The following ADSS1 variants were observed in gnomAD, a reference collection of about 807,000 sequenced individuals.
ADSS1 encodes the protein adenylosuccinate synthase 1.
A neutral mutation model predicts 59.1 loss-of-function variants in ADSS1; 57 were observed. The observed-to-expected ratio is 0.97, with a 90% CI of 0.78 to 1.20. The LOEUF (loss-of-function observed/expected upper bound fraction) is 1.20, where lower values mean the gene tolerates loss of function less well. Among genes scored for constraint, ADSS1 ranks in the 50% most tolerant of loss-of-function variants. ADSS1 has a pLI of 0.00. For missense variants in ADSS1, 603 were observed against 610.3 expected (o/e 0.99, Z 0.13); for synonymous variants, 247 against 249.4 (o/e 0.99, Z 0.09).
chr14:104,745,177 T>C, intron 11 of ADSS1: 1 of 396,884 alleles, frequency 2.5e-6, no homozygotes. Context: ...ACTACTCGCC[T>C]GGGACCCTGG....
At position 104,741,241 on chromosome 14, in the gene ADSS1, T is replaced by A. The variant is rs1304630599; in HGVS notation, c.791T>A (p.Phe264Tyr). The change falls in exon 8 of 13, where the codon TTC becomes TAC. Residue 264 changes from phenylalanine (F) to tyrosine (Y), a missense_variant and splice_region_variant. Phe to Tyr is a conservative substitution (Grantham distance 22, BLOSUM62 3). Coordinates refer to ENST00000330877, the MANE Select transcript of ADSS1 (RefSeq NM_152328.5). ...AACGCCGCCCTCCTCGACATTGACT[T>A]CGGTATGTCCGGGAGGGTGTGCGTG... ...GANAALLDID[F>Y]GTYPFVTSSN... 11 of 1,590,540 alleles carry A rather than the reference T, an allele frequency of 6.9e-6. No individual in the cohort carries two copies. The highest frequency in any genetic ancestry group is 6.7e-5 in the East Asian group (3 of 44,586).
intron 2 of ADSS1, among the ~76,000 whole-genome samples, chr14:104,735,793 T>A (rs1179335635): frequency 6.6e-6 from 1 of 152,166 alleles, no homozygotes. Flanking sequence ...CTTTCCCTCC[T>A]TCTCTCGGTC....
chr14:104,725,750 C>T (rs1186416273), intron 1 of ADSS1, among the ~76,000 whole-genome samples: 1 of 152,208 alleles, frequency 6.6e-6, no homozygotes, highest in Non-Finnish European at 1.5e-5. Flanking sequence ...CTCTACTGCT[C>T]TTCACCCTCC....
rs773873572 is a variant in ADSS1 at position 104,741,853 on chromosome 14, T to C, written c.799T>C (p.Tyr267His). The C allele has an allele frequency of 1.4e-5, 23 of 1,613,128 alleles. No individual in the cohort carries two copies. Among genetic ancestry groups the C allele is most frequent in the African/African-American group, 2.7e-5 (2 of 74,938 alleles). The change falls in exon 9 of 13, where the codon TAC (tyrosine) becomes CAC (histidine). Residue 267 changes from tyrosine (Y) to histidine (H), a missense_variant. Tyr to His is a moderately conservative substitution (Grantham distance 83). Transcript: ENST00000330877. ...AALLDIDFGTYPFVTSSNCTV... is the reference protein window; with the variant it reads ...AALLDIDFGTHPFVTSSNCTV... ...AAACCTGCTCTGTCTTGCAGGGACC[T>C]ACCCCTTTGTGACTTCATCCAACTG...
At chr14:104,746,214 A>C in intron 11 of ADSS1, 22 bp from the exon 12 acceptor site, 1 of 1,591,944 alleles carries the variant, frequency 6.3e-7, no homozygotes, top group Non-Finnish European at 8.6e-7. Flanking sequence ...GGCCCCACTC[A>C]TCTCCTGTGT....
intron 2 of ADSS1, 113 bp from the exon 3 acceptor site, chr14:104,738,263 G>A: frequency 9.1e-7 from 1 of 1,095,914 alleles, no homozygotes; most frequent in Non-Finnish European, 1.3e-6. Context: ...CTCCCAAAGT[G>A]CTAGGATTAC....
chr14:104,736,819 GAT>G (rs1436705412), intron 2 of ADSS1, among the ~76,000 whole-genome samples: 1 of 148,464 alleles, frequency 6.7e-6, no homozygotes, highest in African/African-American at 2.5e-5. Flanking sequence ...GGGCCCAGGG[GAT>G]CCCCCTGCCT....
At chr14:104,726,129 G>A (rs910226860) in intron 1 of ADSS1, among the ~76,000 whole-genome samples, 30 of 152,342 alleles carry the variant, frequency 2.0e-4, no homozygotes, top group African/African-American at 7.0e-4. Flanking sequence ...GCCTGAGGGA[G>A]CCCCTGGCTC....
At chr14:104,739,554 A>G (rs759490736) in intron 4 of ADSS1, 176 bp downstream of exon 4, 4 of 903,820 alleles carry the variant, frequency 4.4e-6, no homozygotes, top group Non-Finnish European at 6.8e-6. Context: ...GAGCTGGGTC[A>G]GGGGTCACTA....
chr14:104,736,517 G>T (rs1212359596), intron 2 of ADSS1, among the ~76,000 whole-genome samples: 1 of 152,174 alleles, frequency 6.6e-6, no homozygotes, highest in Non-Finnish European at 1.5e-5. Flanking sequence ...GTGACCTTTT[G>T]TGCTCACCAT....
rs146422032 is a variant in ADSS1 at position 104,729,104 on chromosome 14, G to A, written c.192+4642G>A. Reference sequence around the variant, plus strand: ...CTGACGATGGGGGCTGCATTGCAGGGGAGAAAGGGGCCTCCTTGGGAACCC... The same window carrying A: ...CTGACGATGGGGGCTGCATTGCAGGAGAGAAAGGGGCCTCCTTGGGAACCC... On this transcript the variant is annotated intron_variant, in intron 1 of 12. Transcript: ENST00000330877. Among the ~76,000 whole-genome samples, 871 of 152,320 alleles carry A rather than the reference G, an allele frequency of 5.7e-3. 6 individuals carry two copies. Among genetic ancestry groups the A allele is most frequent in the South Asian group, 0.028 (133 of 4,832 alleles).
In ADSS1 at chr14:104,740,221, T is replaced by C. The variant is rs1306680094; in HGVS notation, c.477-380T>C. On this transcript the variant is annotated intron_variant, in intron 5 of 12. Coordinates refer to ENST00000330877, the MANE Select transcript of ADSS1 (RefSeq NM_152328.5). This position sits in a 1 kb window ranked among gnomAD's most constrained non-coding sequence, Gnocchi z 4.8. ...GTGTCCTGCCTCAGAGAGGTGATGG[T>C]CACACACTTACCCACTCACACTCTC... 6.6e-6 allele frequency among the ~76,000 whole-genome samples: 1 copy of C among 151,796 alleles called. No individual in the cohort carries two copies. Among genetic ancestry groups the C allele is most frequent in the Non-Finnish European group, 1.5e-5 (1 of 67,940 alleles).
At chr14:104,733,248 G>A (rs1890994920) in intron 1 of ADSS1, among the ~76,000 whole-genome samples, 1 of 152,210 alleles carries the variant, frequency 6.6e-6, no homozygotes, top group Non-Finnish European at 1.5e-5. Flanking sequence ...GTCCTGAACT[G>A]GTTTCCTATA....
Position 104,724,410 on chromosome 14 carries a change from GC to G in ADSS1, c.141del (p.Lys48ArgfsTer74). ...GCGCAGTGGGGGGACGAGGGCAAAG[GC>G]AAGGTGGTGGACCTGCTGGCCACGG... ...LGAQWGDEGK[G>X]KVVDLLATDA... On this transcript the variant is annotated frameshift_variant, in exon 1 of 13. Transcript: ENST00000330877. LOFTEE classifies it high-confidence loss of function. 7.9e-7 allele frequency: 1 copy of G among 1,265,220 alleles called. No individual in the cohort carries two copies. Among genetic ancestry groups the G allele is most frequent in the Non-Finnish European group, 1.0e-6 (1 of 999,988 alleles). 78.4% of individuals were successfully genotyped at this position (1,265,220 alleles called of 1,614,324 possible). A position where few individuals can be genotyped will look rare whatever the true frequency, so the allele number is the denominator to read the frequency against.
At chr14:104,746,428 T>G in intron 12 of ADSS1, 43 bp downstream of exon 12, 1 of 1,586,402 alleles carries the variant, frequency 6.3e-7, no homozygotes, top group Non-Finnish European at 8.6e-7. Context: ...GCACCCTGGA[T>G]GCCCCAAGGG....
chr14:104,724,475 G>C lies in ADSS1; in HGVS notation c.192+13G>C, dbSNP rs1306070048. 2.4e-6 allele frequency: 3 copies of C among 1,239,180 alleles called. No homozygotes were observed. Among genetic ancestry groups the C allele is most frequent in the African/African-American group, 1.5e-5 (1 of 64,528 alleles). 76.8% of individuals were successfully genotyped at this position (1,239,180 alleles called of 1,614,324 possible). A position where few individuals can be genotyped will look rare whatever the true frequency, so the allele number is the denominator to read the frequency against. On this transcript the variant is annotated intron_variant, in intron 1 of 12. Transcript: ENST00000330877. Reference sequence around the variant, plus strand: ...CAGCCGCTGCCAGGTGCGGGCTGGGGCGCCGGGTCCCTCCCCCACCGCCCA... The same window carrying C: ...CAGCCGCTGCCAGGTGCGGGCTGGGCCGCCGGGTCCCTCCCCCACCGCCCA...
chr14:104,737,798 C>T (rs575665494), intron 2 of ADSS1: 1 of 152,424 alleles, frequency 6.6e-6, no homozygotes, highest in Non-Finnish European at 1.5e-5. Flanking sequence ...TTGTAACTGC[C>T]TTATTTCACT....
At chr14:104,725,503 C>T (rs1340836129) in intron 1 of ADSS1, among the ~76,000 whole-genome samples, 11 of 152,150 alleles carry the variant, frequency 7.2e-5, no homozygotes, top group Admixed American at 7.2e-4. Flanking sequence ...AGCCCAGCAC[C>T]CTGTGTGGCT....
chr14:104,742,737 C>T (rs1002790463), intron 9 of ADSS1, among the ~76,000 whole-genome samples: 5 of 152,164 alleles, frequency 3.3e-5, no homozygotes, highest in African/African-American at 1.2e-4. Context: ...GGCCCGCCTC[C>T]CCCAGCTGCC....
Sources: gnomAD v4.1 joint callset for allele counts (sites outside exome capture counted in the v4.1 genomes callset) on GRCh38, gnomAD v4.1.1 for gene constraint, Gnocchi (gnomAD v3.1) non-coding constraint, MANE v1.5 for transcripts, NCBI Gene and HGNC (gene_info 2026-07-23, HGNC 2026-07-21) for gene names.